LSM12: variants seen among roughly 807,000 people sequenced by gnomAD.
The protein encoded by LSM12 is LSM12 homolog, also known as protein LSM12.
For synonymous variants in LSM12, 74 were observed against 87.3 expected (o/e 0.85, Z 0.85); for missense variants, 108 against 238.9 (o/e 0.45, Z 3.61).
chr17:44,041,334 A>AAACACAC (rs2049491263), intron 2 of LSM12, among the ~76,000 whole-genome samples: 2,410 of 104,468 alleles, frequency 0.023, 33 homozygotes, highest in South Asian at 0.035. Flanking sequence ...CACACACACA[A>AAACACAC]ACACACACAC....
chr17:44,058,820 G>A (rs1375524676), intron 2 of LSM12, among the ~76,000 whole-genome samples: 1 of 151,808 alleles, frequency 6.6e-6, no homozygotes, highest in Admixed American at 6.6e-5. Context: ...GGGCAACAGG[G>A]CAAGACTCCA....
At chr17:44,051,389 CAAAAAAAAAAAAAAAA>C (rs57974319) in intron 2 of LSM12, among the ~76,000 whole-genome samples, 1 of 114,954 alleles carries the variant, frequency 8.7e-6, no homozygotes, top group Non-Finnish European at 1.7e-5. Context: ...GACTCCGTCT[CAAAAAAAAAAAAAAAA>C]AAAAAAAAAA....
At chr17:44,052,656 G>C (rs1331132652) in intron 2 of LSM12, among the ~76,000 whole-genome samples, 1 of 151,978 alleles carries the variant, frequency 6.6e-6, no homozygotes, top group Non-Finnish European at 1.5e-5. Context: ...CTACTTGGGA[G>C]GCTGAGGCAG....
intron 2 of LSM12, among the ~76,000 whole-genome samples, chr17:44,041,448 T>C (rs1166231642): frequency 6.6e-6 from 1 of 151,974 alleles, no homozygotes; most frequent in East Asian, 1.9e-4. Context: ...CAGACCACAA[T>C]CTGAGACTCT....
At chr17:44,063,533 A>AT (rs1392750949) in intron 2 of LSM12, among the ~76,000 whole-genome samples, 1 of 152,234 alleles carries the variant, frequency 6.6e-6, no homozygotes, top group Non-Finnish European at 1.5e-5. Flanking sequence ...TTAGTTCATC[A>AT]TGAACTCCAA....
intron 1 of LSM12, among the ~76,000 whole-genome samples, chr17:44,064,926 G>A (rs1264797208): frequency 6.6e-6 from 1 of 151,930 alleles, no homozygotes; most frequent in Non-Finnish European, 1.5e-5. Context: ...GAGGTCAGGA[G>A]ATCGAGACCA....
chr17:44,038,536 T>A (rs2049445738), intron 3 of LSM12, among the ~76,000 whole-genome samples: 1 of 151,972 alleles, frequency 6.6e-6, no homozygotes, highest in Admixed American at 6.6e-5. Flanking sequence ...GCGCCTGTAG[T>A]CCCAGTTACT....
intron 2 of LSM12, among the ~76,000 whole-genome samples, chr17:44,061,639 G>A (rs2049796814): frequency 1.3e-5 from 2 of 152,172 alleles, no homozygotes; most frequent in South Asian, 4.1e-4. Flanking sequence ...TATTATTTTA[G>A]TTGCCTAAGT....
At chr17:44,039,682 C>T (rs2049463701) in intron 3 of LSM12, among the ~76,000 whole-genome samples, 2 of 152,284 alleles carry the variant, frequency 1.3e-5, no homozygotes, top group Admixed American at 6.5e-5. Flanking sequence ...CGCCCGGCCC[C>T]AAAATGTCTT....
chr17:44,036,564 G>C (rs985476498), intron 4 of LSM12, among the ~76,000 whole-genome samples: 2 of 152,048 alleles, frequency 1.3e-5, no homozygotes, highest in Non-Finnish European at 2.9e-5. Context: ...AATAAGGGGA[G>C]ATTATCATGA....
chr17:44,051,494 A>G (rs1209096421), intron 2 of LSM12, among the ~76,000 whole-genome samples: 1 of 151,510 alleles, frequency 6.6e-6, no homozygotes, highest in Non-Finnish European at 1.5e-5. Context: ...AGGAGGTGGC[A>G]GTGAGGTGAG....
intron 2 of LSM12, among the ~76,000 whole-genome samples, chr17:44,058,109 C>A (rs1473666945): frequency 6.6e-6 from 1 of 151,448 alleles, no homozygotes; most frequent in Non-Finnish European, 1.5e-5. Context: ...TGGTGGTGGG[C>A]GCCTGTAGTC....
chr17:44,046,496 A>C (rs2049567167), intron 2 of LSM12, among the ~76,000 whole-genome samples: 1 of 150,814 alleles, frequency 6.6e-6, no homozygotes, highest in Admixed American at 6.6e-5. Context: ...TCACGGGGTC[A>C]GGAGATCGAG....
intron 2 of LSM12, among the ~76,000 whole-genome samples, chr17:44,059,398 G>T (rs1173064882): frequency 6.6e-6 from 1 of 152,104 alleles, no homozygotes. Flanking sequence ...AGGCCAGCCT[G>T]GTCAACACGG....
intron 1 of LSM12, among the ~76,000 whole-genome samples, chr17:44,065,113 A>G (rs560181303): frequency 6.7e-6 from 1 of 149,200 alleles, no homozygotes; most frequent in Non-Finnish European, 1.5e-5. Flanking sequence ...AGCCTGGGCA[A>G]TAAGAGTGAA....
At chr17:44,046,311 T>TTTTG (rs1259025301) in intron 2 of LSM12, among the ~76,000 whole-genome samples, 1 of 152,200 alleles carries the variant, frequency 6.6e-6, no homozygotes, top group Non-Finnish European at 1.5e-5. Context: ...ATGTTTTTAC[T>TTTTG]TTTGTTAGGT....
intron 2 of LSM12, among the ~76,000 whole-genome samples, chr17:44,055,092 T>C (rs2049693711): frequency 6.6e-6 from 1 of 152,038 alleles, no homozygotes. Context: ...CTTTGTGATC[T>C]GCCCGCCTCG....
At chr17:44,053,758 T>C (rs2049675892) in intron 2 of LSM12, among the ~76,000 whole-genome samples, 1 of 143,696 alleles carries the variant, frequency 7.0e-6, no homozygotes. Flanking sequence ...CCTTTAATTT[T>C]CCAGCTTAGG....
intron 2 of LSM12, among the ~76,000 whole-genome samples, chr17:44,051,506 T>C (rs374824328): frequency 4.3e-4 from 65 of 151,016 alleles, no homozygotes; most frequent in African/African-American, 1.3e-3. Flanking sequence ...TGAGGTGAGA[T>C]TGCACCACTG....
Sources: allele counts gnomAD v4.1 joint callset (sites outside exome capture counted in the v4.1 genomes callset), GRCh38; gene constraint gnomAD v4.1.1; transcripts MANE v1.5; gene names NCBI Gene and HGNC (gene_info 2026-07-23, HGNC 2026-07-21).